The following DYNC1LI1 variants were observed in gnomAD, a reference collection of about 807,000 sequenced individuals.
The protein encoded by DYNC1LI1 is cytoplasmic dynein 1 light intermediate chain 1.
DYNC1LI1 carries 19 observed loss-of-function variants against 63.8 expected under a neutral mutation model. The observed-to-expected ratio is 0.30, with a 90% CI of 0.21 to 0.44. The LOEUF (loss-of-function observed/expected upper bound fraction) is 0.44, where lower values mean the gene tolerates loss of function less well. Among genes scored for constraint, DYNC1LI1 ranks in the 20% least tolerant of loss-of-function variants. The pLI is 1.00. For missense variants in DYNC1LI1, 565 were observed against 630.2 expected, an observed-to-expected ratio of 0.90 and a Z score of 1.11; for synonymous variants, 225 against 232.3, an observed-to-expected ratio of 0.97 and a Z score of 0.28.
chr3:32,570,606 G>A lies in DYNC1LI1; in HGVS notation c.146+19C>T, dbSNP rs527295759. On this transcript the variant is annotated intron_variant, in intron 1 of 12. Coordinates refer to ENST00000273130, the MANE Select transcript of DYNC1LI1 (RefSeq NM_016141.4). ...GCCGGGGGAGCCAGCGGGGGCTGAG[G>A]GAGAGGTGGAGTCGTTACCAAAGGT... 13 of 1,556,116 alleles carry A rather than the reference G, an allele frequency of 8.4e-6. No individual in the cohort carries two copies. The highest frequency in any genetic ancestry group is 2.7e-5 in the African/African-American group (2 of 72,754).
intron 2 of DYNC1LI1, among the ~76,000 whole-genome samples, chr3:32,556,948 A>T (rs1698122998): frequency 6.6e-6 from 1 of 152,208 alleles, no homozygotes; most frequent in Non-Finnish European, 1.5e-5. Context: ...CATTACTCAT[A>T]TAAATAAAAC....
intron 2 of DYNC1LI1, among the ~76,000 whole-genome samples, chr3:32,554,765 T>C (rs2125442261): frequency 6.6e-6 from 1 of 152,282 alleles, no homozygotes; most frequent in South Asian, 2.1e-4. Context: ...ATTTTATTTA[T>C]TGAAACAAAA....
chr3:32,568,337 G>A (rs893915369), intron 2 of DYNC1LI1, among the ~76,000 whole-genome samples: 6 of 152,002 alleles, frequency 3.9e-5, no homozygotes, highest in African/African-American at 1.5e-4. Flanking sequence ...AAATCTTCAG[G>A]GGTATTTTAG....
Position 32,530,409 on chromosome 3 carries a change from G to T in DYNC1LI1, c.1140+52C>A. The T allele has an allele frequency of 3.8e-6, 6 of 1,597,484 alleles. 1 individual carries two copies. In the South Asian group the frequency reaches 6.6e-5, roughly 18 times the overall value. On this transcript the variant is annotated intron_variant, in intron 9 of 12. Transcript: ENST00000273130. Reference sequence around the variant, plus strand: ...GTATTTTTAAAGAAAATACACACAAGAACAGTTTACCCATTAACCATACTA... The same window carrying T: ...GTATTTTTAAAGAAAATACACACAATAACAGTTTACCCATTAACCATACTA...
chr3:32,536,450 G>A (rs1210010777), intron 6 of DYNC1LI1, among the ~76,000 whole-genome samples: 2 of 152,034 alleles, frequency 1.3e-5, no homozygotes, highest in African/African-American at 2.4e-5. Flanking sequence ...ATTACTCACT[G>A]GCTCACCTAA....
intron 5 of DYNC1LI1, among the ~76,000 whole-genome samples, chr3:32,538,023 TTTATATATATAATATATATATATAA>T (rs200814718): frequency 0.049 from 818 of 16,830 alleles, 132 homozygotes; most frequent in East Asian, 0.15. Context: ...ATATATATAA[TTTATATATATAATATATATATATAA>T]TTATATATAT....
intron 12 of DYNC1LI1, among the ~76,000 whole-genome samples, chr3:32,528,079 C>T (rs1344519203): frequency 1.6e-5 from 2 of 125,090 alleles, no homozygotes; most frequent in African/African-American, 3.1e-5. Context: ...TGCCACTGCA[C>T]TCCAGCCTGG....
intron 4 of DYNC1LI1, among the ~76,000 whole-genome samples, chr3:32,544,124 T>C (rs1425184390): frequency 6.6e-6 from 1 of 152,098 alleles, no homozygotes; most frequent in Non-Finnish European, 1.5e-5. Flanking sequence ...CTCATACAAT[T>C]TTCATAATTC....
At chr3:32,534,380 T>A (rs1341008890) in intron 7 of DYNC1LI1, 131 bp downstream of exon 7, 23 of 676,112 alleles carry the variant, frequency 3.4e-5, no homozygotes, top group Non-Finnish European at 5.2e-5. Flanking sequence ...AAAAACAATC[T>A]AGGAACAGAT....
intron 2 of DYNC1LI1, among the ~76,000 whole-genome samples, chr3:32,552,745 C>T (rs1437037046): frequency 6.6e-6 from 1 of 152,104 alleles, no homozygotes; most frequent in Non-Finnish European, 1.5e-5. Flanking sequence ...CTCCCTCTTT[C>T]GCCAGGCTGG....
chr3:32,546,311 G>A (rs1697952426), intron 2 of DYNC1LI1, among the ~76,000 whole-genome samples: 1 of 152,126 alleles, frequency 6.6e-6, no homozygotes, highest in Non-Finnish European at 1.5e-5. Context: ...AGGAGGCTGA[G>A]GCAGAAGAAT....
At chr3:32,534,938 T>C (rs1697754896) in intron 6 of DYNC1LI1, among the ~76,000 whole-genome samples, 1 of 152,216 alleles carries the variant, frequency 6.6e-6, no homozygotes, top group Non-Finnish European at 1.5e-5. Flanking sequence ...ACTTCTATAT[T>C]TAAAGCACAT....
chr3:32,562,699 A>G (rs1466504144), intron 2 of DYNC1LI1, among the ~76,000 whole-genome samples: 2 of 152,206 alleles, frequency 1.3e-5, no homozygotes, highest in African/African-American at 4.8e-5. Flanking sequence ...ATAATTTAAA[A>G]TAGTGATTTC....
At chr3:32,530,196 C>G in intron 10 of DYNC1LI1, 88 bp downstream of exon 10, 2 of 1,041,350 alleles carry the variant, frequency 1.9e-6, no homozygotes, top group East Asian at 2.7e-5. Flanking sequence ...AAAGCACACC[C>G]ATATGAAATA....
At chr3:32,555,869 G>A (rs1698108027) in intron 2 of DYNC1LI1, among the ~76,000 whole-genome samples, 1 of 152,206 alleles carries the variant, frequency 6.6e-6, no homozygotes, top group Admixed American at 6.5e-5. Flanking sequence ...AAATGTTAAT[G>A]GTAGAATCTA....
intron 2 of DYNC1LI1, among the ~76,000 whole-genome samples, chr3:32,549,141 A>T (rs1697997704): frequency 6.6e-6 from 1 of 152,034 alleles, no homozygotes; most frequent in Non-Finnish European, 1.5e-5. Context: ...TCTAATTTGA[A>T]TTTTACCAAG....
At chr3:32,569,618 C>G (rs544216960) in intron 2 of DYNC1LI1, among the ~76,000 whole-genome samples, 2 of 152,210 alleles carry the variant, frequency 1.3e-5, no homozygotes, top group East Asian at 3.9e-4. Context: ...TAGAAAAATG[C>G]GAATCTGCGA....
chr3:32,561,686 G>T (rs9809774), intron 2 of DYNC1LI1, among the ~76,000 whole-genome samples: 3,248 of 151,014 alleles, frequency 0.022, 128 homozygotes, highest in African/African-American at 0.075. Context: ...TACTTATGTA[G>T]AAAGATTTAA....
intron 4 of DYNC1LI1, among the ~76,000 whole-genome samples, chr3:32,542,025 G>A (rs1697888964): frequency 6.6e-6 from 1 of 152,116 alleles, no homozygotes; most frequent in Non-Finnish European, 1.5e-5. Flanking sequence ...TAACGTTGTA[G>A]GAAATAGTAA....
Sources: allele counts gnomAD v4.1 joint callset (sites outside exome capture counted in the v4.1 genomes callset), GRCh38; gene constraint gnomAD v4.1.1; transcripts MANE v1.5; gene names NCBI Gene and HGNC (gene_info 2026-07-23, HGNC 2026-07-21).